Variants in PAN3 observed in about 807,000 individuals in gnomAD.
The protein encoded by PAN3 is poly(A) specific ribonuclease subunit PAN3, also known as PAN2-PAN3 deadenylation complex subunit PAN3.
Under a neutral mutation model 96.2 loss-of-function variants are expected in PAN3, and 19 were observed. The ratio of observed to expected loss-of-function variants is 0.20; its 90% CI spans 0.14 to 0.29. The LOEUF (loss-of-function observed/expected upper bound fraction) is 0.29. Among genes scored for constraint, PAN3 ranks in the 10% least tolerant of loss-of-function variants. PAN3 has a pLI of 1.00. For missense variants in PAN3, 882 were observed against 1,108.1 expected, an observed-to-expected ratio of 0.80 and a Z score of 2.90; for synonymous variants, 433 against 406.6, an observed-to-expected ratio of 1.06 and a Z score of -0.78.
chr13:28,236,855 C>T (rs1227837817), intron 6 of PAN3, among the ~76,000 whole-genome samples: 1 of 152,162 alleles, frequency 6.6e-6, no homozygotes, highest in Admixed American at 6.5e-5. Context: ...ATCCTCCTGC[C>T]TTGGCTTCCC....
At position 28,138,915 on chromosome 13, in the gene PAN3, C is replaced by A. The variant is rs746350264; in HGVS notation, c.258C>A (p.Val86=). The A allele has an allele frequency of 9.5e-6, 13 of 1,371,660 alleles. No homozygotes were observed. The highest frequency in any genetic ancestry group is 1.2e-5 in the Non-Finnish European group (13 of 1,064,696). The allele number at this position is 1,371,660 out of a possible 1,614,324, so 85.0% of individuals were successfully genotyped here. A position where few individuals can be genotyped will look rare whatever the true frequency, so the allele number is the denominator to read the frequency against. The change falls in exon 1 of 19, where the codon GTC becomes GTA. Residue 86 remains valine (V), a synonymous_variant. Transcript: ENST00000380958. ...GCCTCGGCCTCCATAGCAACAGCGT[C>A]CCCCTGGCTCTGGCTGGTGCACCCG... ...APGLGLHSNS[V]PLALAGAPVA...
chr13:28,184,411 T>G (rs1876197613), intron 4 of PAN3, among the ~76,000 whole-genome samples: 2 of 152,154 alleles, frequency 1.3e-5, no homozygotes, highest in South Asian at 4.1e-4. Context: ...ATAAATTACA[T>G]AGGGCAATAT....
At chr13:28,144,224 TTTTTTTTTTTG>T (rs1566131701) in intron 1 of PAN3, among the ~76,000 whole-genome samples, 1 of 144,668 alleles carries the variant, frequency 6.9e-6, no homozygotes, top group African/African-American at 2.6e-5. Context: ...TTTTTTTTTT[TTTTTTTTTTTG>T]ATATGGAGTC....
chr13:28,247,950 G>C (rs561246004), intron 6 of PAN3, among the ~76,000 whole-genome samples: 4 of 152,190 alleles, frequency 2.6e-5, no homozygotes, highest in Admixed American at 2.6e-4. Flanking sequence ...TTCTGTTTAT[G>C]TAAAGAATGT....
Position 28,287,069 on chromosome 13 carries a change from T to G in PAN3, c.2385-915T>G, listed in dbSNP as rs1405154322. On this transcript the variant is annotated intron_variant, in intron 17 of 18. Coordinates refer to ENST00000380958, the MANE Select transcript of PAN3 (RefSeq NM_175854.8). ...GTATTCTGTCGTCTTTTCTTCTCTT[T>G]TCTCCCCCAACCCATTCAGACACAT... Among the ~76,000 whole-genome samples the G allele has an allele frequency of 5.9e-5, 9 of 152,184 alleles. No homozygotes were observed. The East Asian group carries it at 1.7e-3, about 29-fold the overall frequency.
intron 5 of PAN3, among the ~76,000 whole-genome samples, chr13:28,202,190 C>A (rs2138262333): frequency 6.6e-6 from 1 of 152,236 alleles, no homozygotes; most frequent in East Asian, 1.9e-4. Context: ...ATATTATCCC[C>A]ATTTGACAAC....
At chr13:28,155,172 C>T (rs1052777210) in intron 1 of PAN3, among the ~76,000 whole-genome samples, 1 of 152,098 alleles carries the variant, frequency 6.6e-6, no homozygotes, top group African/African-American at 2.4e-5. Context: ...GATACCTCTG[C>T]AGGTAACTCA....
chr13:28,177,487 C>T (rs1383502922), intron 3 of PAN3, among the ~76,000 whole-genome samples: 1 of 151,902 alleles, frequency 6.6e-6, no homozygotes, highest in Non-Finnish European at 1.5e-5. Context: ...ACTGCCCCCA[C>T]CCCTCACCCT....
At chr13:28,213,324 T>G (rs1880282833) in intron 5 of PAN3, among the ~76,000 whole-genome samples, 1 of 152,156 alleles carries the variant, frequency 6.6e-6, no homozygotes. Context: ...TACCTGTGGA[T>G]TTTGGTATCT....
At position 28,159,494 on chromosome 13, in the gene PAN3, C is replaced by T. The variant is rs532311176; in HGVS notation, c.431-14778C>T. ...TGGAGTTTCGCTCTTGTTTCCCAGG[C>T]TGGAGTGCAATGGCACAAATCTTGG... On this transcript the variant is annotated intron_variant, in intron 1 of 18. Transcript: ENST00000380958. Among the ~76,000 whole-genome samples, 7 of 152,322 alleles carry T rather than the reference C, an allele frequency of 4.6e-5. No homozygotes were observed. The South Asian group carries it at 1.4e-3, about 32-fold the overall frequency.
chr13:28,230,010 T>TA (rs1037523206), intron 6 of PAN3, among the ~76,000 whole-genome samples: 94 of 152,246 alleles, frequency 6.2e-4, no homozygotes, highest in African/African-American at 2.2e-3. Flanking sequence ...ATCCTCCTCC[T>TA]AATCTGCTGA....
At chr13:28,287,924 G>A in intron 17 of PAN3, 60 bp from the exon 18 acceptor site, 1 of 1,454,228 alleles carries the variant, frequency 6.9e-7, no homozygotes, top group East Asian at 2.5e-5. Context: ...CTAAAAAATA[G>A]ACATATGGCC....
chr13:28,245,475 C>A (rs1884093621), intron 6 of PAN3, among the ~76,000 whole-genome samples: 1 of 151,470 alleles, frequency 6.6e-6, no homozygotes, highest in Non-Finnish European at 1.5e-5. Flanking sequence ...CTTTTGATTC[C>A]TCTTCCCTAC....
Position 28,292,592 on chromosome 13 carries a change from C to A in PAN3, c.*70C>A. On this transcript the variant is annotated 3_prime_UTR_variant, in exon 19 of 19. Transcript: ENST00000380958. Reference sequence around the variant, plus strand: ...AATAGCAAATTGCACTACAGCTGAACTTTTCATCATCTCATTCACATTTGG... The same window carrying A: ...AATAGCAAATTGCACTACAGCTGAAATTTTCATCATCTCATTCACATTTGG... 1.4e-6 allele frequency: 2 copies of A among 1,426,294 alleles called. No individual in the cohort carries two copies. Among genetic ancestry groups the A allele is most frequent in the East Asian group, 2.4e-5 (1 of 40,988 alleles). 88.4% of individuals were successfully genotyped at this position (1,426,294 alleles called of 1,614,324 possible). A position where few individuals can be genotyped will look rare whatever the true frequency, so the allele number is the denominator to read the frequency against.
chr13:28,215,525 G>A, intron 5 of PAN3: 1 of 672,490 alleles, frequency 1.5e-6, no homozygotes, highest in Non-Finnish European at 2.7e-6. Context: ...AAGGCAGTTG[G>A]CCTCACTGCT....
chr13:28,256,259 C>G, intron 6 of PAN3, 33 bp from the exon 7 acceptor site: 1 of 1,588,372 alleles, frequency 6.3e-7, no homozygotes, highest in Non-Finnish European at 8.6e-7. Flanking sequence ...CCAATTATTG[C>G]TCCATTAAGA....
At chr13:28,215,699 T>G in intron 5 of PAN3, 1 of 1,489,224 alleles carries the variant, frequency 6.7e-7, no homozygotes, top group Non-Finnish European at 9.1e-7. Flanking sequence ...TGAAGTCTGG[T>G]GATGCCGCCA....
chr13:28,261,446 G>A lies in PAN3; in HGVS notation c.1399G>A (p.Ala467Thr), dbSNP rs777370953. 5 of 1,610,364 alleles carry A rather than the reference G, an allele frequency of 3.1e-6. No homozygotes were observed. In the South Asian group the frequency reaches 5.5e-5, roughly 18 times the overall value. ...AATAACAATGGCTCAAATTGATCAA[G>A]CAGATATGCCAGGTAAAAAGCAAGT... ...HLITMAQIDQADMPAVPTEVD... is the reference protein window; with the variant it reads ...HLITMAQIDQTDMPAVPTEVD... The change falls in exon 9 of 19, where the codon GCA becomes ACA. Residue 467 changes from alanine (A) to threonine (T), a missense_variant. This residue lies in a region of PAN3 where 364 missense variants were observed against 513.6 expected (regional missense o/e 0.71). Transcript: ENST00000380958.
intron 5 of PAN3, among the ~76,000 whole-genome samples, chr13:28,199,593 G>A (rs1322838172): frequency 2.0e-5 from 3 of 151,992 alleles, no homozygotes; most frequent in African/African-American, 7.2e-5. Context: ...TACTCATCTC[G>A]TCTCTATTAC....
Sources: gnomAD v4.1 joint callset for allele counts (sites outside exome capture counted in the v4.1 genomes callset) on GRCh38, gnomAD v4.1.1 for gene constraint, gnomAD v4.1.1 regional missense constraint, MANE v1.5 for transcripts, NCBI Gene and HGNC (gene_info 2026-07-23, HGNC 2026-07-21) for gene names.